The following JAKMIP3 variants were observed in gnomAD, a reference collection of about 807,000 sequenced individuals.
JAKMIP3 encodes Janus kinase and microtubule interacting protein 3.
A neutral mutation model predicts 118.5 loss-of-function variants in JAKMIP3; 58 were observed. The observed-to-expected ratio is 0.49, with a 90% CI of 0.40 to 0.61. The LOEUF (loss-of-function observed/expected upper bound fraction) is 0.61. Ranked by LOEUF, JAKMIP3 falls within the 20% of genes least tolerant of loss-of-function variation. JAKMIP3 has a pLI of 0.00. For synonymous variants in JAKMIP3, 486 were observed against 451.2 expected (o/e 1.08, Z -0.98); for missense variants, 950 against 1,109.0 (o/e 0.86, Z 2.04).
rs908104354 is a variant in JAKMIP3 at position 132,135,996 on chromosome 10, C to T, written c.1036C>T (p.Arg346Trp). Residue 346 changes from arginine (R) to tryptophan (W), a missense_variant, in exon 6 of 24, where the codon CGG (arginine) becomes TGG (tryptophan). By Grantham distance (101) the Arg-to-Trp change is moderately radical. Coordinates refer to ENST00000684848, the MANE Select transcript of JAKMIP3 (RefSeq NM_001323087.2). ...GCTGGATAAAAACAAGCGCCTCAGT[C>T]GGAAGAACGAGGATTTGTCTCATGC... ...PLLDKNKRLS[R>W]KNEDLSHALR... 1.1e-5 allele frequency: 17 copies of T among 1,613,386 alleles called. No homozygotes were observed. Among genetic ancestry groups the T allele is most frequent in the East Asian group, 2.2e-5 (1 of 44,892 alleles).
chr10:132,079,507 G>A (rs961439012), intron 1 of JAKMIP3, among the ~76,000 whole-genome samples: 1 of 152,150 alleles, frequency 6.6e-6, no homozygotes, highest in Non-Finnish European at 1.5e-5. Context: ...ATGGAAACAA[G>A]CCAGGAGGGT....
chr10:132,048,435 T>C (rs934976321), intron 1 of JAKMIP3, among the ~76,000 whole-genome samples: 11 of 152,174 alleles, frequency 7.2e-5, no homozygotes, highest in Non-Finnish European at 1.3e-4. Context: ...ATTTGTCTGT[T>C]TGTTTATGTC....
chr10:132,142,981 G>A (rs149395252), intron 11 of JAKMIP3, among the ~76,000 whole-genome samples: 2 of 152,254 alleles, frequency 1.3e-5, no homozygotes, highest in Non-Finnish European at 2.9e-5. Context: ...CGTGGTCCAC[G>A]CTAGTGCCCC....
chr10:132,063,537 A>C (rs922064567), upstream of JAKMIP3, among the ~76,000 whole-genome samples: 1 of 152,214 alleles, frequency 6.6e-6, no homozygotes, highest in African/African-American at 2.4e-5. Context: ...ATGCTATTTA[A>C]AGAGCAGGCT....
chr10:132,047,202 G>A (rs7096424), intron 1 of JAKMIP3, among the ~76,000 whole-genome samples: 72,491 of 151,990 alleles, frequency 0.48, 18,400 homozygotes, highest in East Asian at 0.97. Flanking sequence ...GTAAAAAGGC[G>A]GGGCAGGGAG....
chr10:132,163,336 A>T lies in JAKMIP3; in HGVS notation c.2348A>T (p.Gln783Leu). Residue 783 changes from glutamine (Q) to leucine (L), a missense_variant, in exon 20 of 24, where the codon CAG becomes CTG. Coordinates refer to ENST00000684848, the MANE Select transcript of JAKMIP3 (RefSeq NM_001323087.2). ...GTGGCCGTGGAGCAGTGGAAGCGCCAGGTCATGAGTGAGCTGCGCGAGCGG... is the reference window on the plus strand; with the variant it reads ...GTGGCCGTGGAGCAGTGGAAGCGCCTGGTCATGAGTGAGCTGCGCGAGCGG... ...LKVAVEQWKRQVMSELRERDA... is the reference protein window; with the variant it reads ...LKVAVEQWKRLVMSELRERDA... 6.2e-7 allele frequency: 1 copy of T among 1,609,944 alleles called. No individual in the cohort carries two copies. Among genetic ancestry groups the T allele is most frequent in the South Asian group, 1.1e-5 (1 of 90,396 alleles).
At chr10:132,072,475 C>T (rs998788606) in intron 1 of JAKMIP3, among the ~76,000 whole-genome samples, 6 of 152,056 alleles carry the variant, frequency 3.9e-5, no homozygotes, top group African/African-American at 1.4e-4. Flanking sequence ...TTCAAGGCTG[C>T]AGTGAGCCAT....
chr10:132,120,209 T>C (rs7099723), intron 3 of JAKMIP3, among the ~76,000 whole-genome samples: 8,176 of 152,326 alleles, frequency 0.054, 353 homozygotes, highest in East Asian at 0.12. Flanking sequence ...CTTTATTTAC[T>C]GTTTCGATGC....
intron 15 of JAKMIP3, 127 bp downstream of exon 15, chr10:132,149,637 CG>C (rs1564965579): frequency 2.5e-4 from 18 of 72,834 alleles, no homozygotes; most frequent in African/African-American, 1.7e-3. Context: ...CCACCCCCTC[CG>C]CCCCCGCCCC....
intron 3 of JAKMIP3, among the ~76,000 whole-genome samples, chr10:132,131,596 G>A (rs1460872535): frequency 1.3e-5 from 2 of 152,042 alleles, no homozygotes; most frequent in African/African-American, 4.8e-5. Context: ...TGACTCTAGG[G>A]TTGTGAGTGG....
At chr10:132,141,604 C>A (rs1564952825) in intron 10 of JAKMIP3, among the ~76,000 whole-genome samples, 2 of 152,138 alleles carry the variant, frequency 1.3e-5, no homozygotes, top group Admixed American at 6.5e-5. Flanking sequence ...AAGCAGGAGC[C>A]CCAGCTGAGC....
chr10:132,175,010 C>T (rs1459204870), intron 23 of JAKMIP3, among the ~76,000 whole-genome samples: 1 of 152,142 alleles, frequency 6.6e-6, no homozygotes, highest in Non-Finnish European at 1.5e-5. Context: ...TGGATACGTG[C>T]CATTATCAGA....
At chr10:132,121,478 C>T (rs553273417) in intron 3 of JAKMIP3, among the ~76,000 whole-genome samples, 1 of 152,326 alleles carries the variant, frequency 6.6e-6, no homozygotes, top group East Asian at 1.9e-4. Flanking sequence ...GTGTGGGACG[C>T]TCGGCCTCAC....
rs549589659 is a variant in JAKMIP3 at position 132,043,020 on chromosome 10, G to GGA, written c.-138+6285_-138+6286dup. 2.6e-3 allele frequency among the ~76,000 whole-genome samples: 388 copies of GGA among 151,900 alleles called. 4 individuals carry two copies. Among genetic ancestry groups the GGA allele is most frequent in the Non-Finnish European group, 3.4e-3 (232 of 67,950 alleles). On this transcript the variant is annotated intron_variant, in intron 1 of 23. Transcript: ENST00000657785. Reference sequence around the variant, plus strand: ...GAGGTGGGAGGACTACTTGAGCCCAGGAGACAGAGGTTGCAGTGAGCTGAG... The same window carrying GGA: ...GAGGTGGGAGGACTACTTGAGCCCAGGAGAGACAGAGGTTGCAGTGAGCTGAG...
In JAKMIP3 at chr10:132,112,405, C is replaced by T. The variant is rs1036486450; in HGVS notation, c.136-4672C>T. 5.3e-5 allele frequency among the ~76,000 whole-genome samples: 8 copies of T among 152,178 alleles called. No homozygotes were observed. Among genetic ancestry groups the T allele is most frequent in the African/African-American group, 1.9e-4 (8 of 41,442 alleles). ...AAGCCCAGAGAGGGCAGCGAGGAGG[C>T]CATACTCTTGGACTTCACCCACCTC... On this transcript the variant is annotated intron_variant, in intron 2 of 23. Coordinates refer to ENST00000684848, the MANE Select transcript of JAKMIP3 (RefSeq NM_001323087.2). The surrounding 1 kb of genome is among the most constrained non-coding windows in gnomAD (Gnocchi z 4.3).
intron 16 of JAKMIP3, among the ~76,000 whole-genome samples, chr10:132,151,669 G>A (rs1166346186): frequency 6.6e-6 from 1 of 152,208 alleles, no homozygotes; most frequent in Non-Finnish European, 1.5e-5. Flanking sequence ...CAGAGCTGAT[G>A]TAGTGGCAGA....
At chr10:132,115,958 G>A (rs564539494) in intron 2 of JAKMIP3, among the ~76,000 whole-genome samples, 13 of 152,286 alleles carry the variant, frequency 8.5e-5, no homozygotes, top group Middle Eastern at 3.4e-3. Context: ...GAAACTCCTC[G>A]GAGCGGGAGA....
intron 1 of JAKMIP3, among the ~76,000 whole-genome samples, chr10:132,100,142 CCA>C (rs2044600145): frequency 6.6e-6 from 1 of 152,202 alleles, no homozygotes; most frequent in African/African-American, 2.4e-5. Context: ...AGTGGGTGTC[CCA>C]CAGTGTGCTG....
intron 1 of JAKMIP3, among the ~76,000 whole-genome samples, chr10:132,043,506 A>C (rs371158511): frequency 1.1e-4 from 17 of 152,176 alleles, no homozygotes; most frequent in African/African-American, 3.9e-4. Context: ...ATCCAGGGGG[A>C]AACGGGGTTG....
Sources: gnomAD v4.1 joint callset for allele counts (sites outside exome capture counted in the v4.1 genomes callset) on GRCh38, gnomAD v4.1.1 for gene constraint, Gnocchi (gnomAD v3.1) non-coding constraint, MANE v1.5 for transcripts, NCBI Gene and HGNC (gene_info 2026-07-23, HGNC 2026-07-21) for gene names.